Variants in NYAP2 observed in about 807,000 individuals in gnomAD.
NYAP2 encodes the protein neuronal tyrosine-phosphorylated phosphoinositide-3-kinase adaptor 2.
Under a neutral mutation model 50.4 loss-of-function variants are expected in NYAP2, and 23 were observed. The ratio of observed to expected loss-of-function variants is 0.46; its 90% CI spans 0.33 to 0.65. The LOEUF is 0.65. Ranked by LOEUF, NYAP2 falls within the 30% of genes least tolerant of loss-of-function variation. The probability of loss-of-function intolerance (pLI) is 0.02; values close to 1 mark genes in which losing one functional copy is unlikely to be tolerated. For missense variants in NYAP2, 885 were observed against 861.0 expected, an observed-to-expected ratio of 1.03 and a Z score of -0.35; for synonymous variants, 394 against 365.2, an observed-to-expected ratio of 1.08 and a Z score of -0.90.
chr2:225,640,288 A>G (rs939800562), intron 6 of NYAP2, among the ~76,000 whole-genome samples: 1 of 152,176 alleles, frequency 6.6e-6, no homozygotes, highest in Non-Finnish European at 1.5e-5. Context: ...GATTGTTGGT[A>G]TCTATAAAAA....
the NYAP2 span, among the ~76,000 whole-genome samples, chr2:225,688,818 T>C: frequency 4.9e-4 from 75 of 152,220 alleles, no homozygotes; most frequent in South Asian, 2.1e-3. Context: ...TCTTGGCTCA[T>C]TGCAACCTCT....
chr2:225,458,531 C>T (rs549569775), intron 3 of NYAP2, among the ~76,000 whole-genome samples: 1 of 152,180 alleles, frequency 6.6e-6, no homozygotes, highest in South Asian at 2.1e-4. Context: ...TATCTGATTG[C>T]CAAACAAAAG....
In NYAP2 at chr2:225,611,878, G is replaced by GTA. The variant is rs1486472808; in HGVS notation, c.1619-15031_1619-15030dup. Among the ~76,000 whole-genome samples the GTA allele has an allele frequency of 5.9e-3, 805 of 135,786 alleles. 10 individuals carry two copies. Among genetic ancestry groups the GTA allele is most frequent in the African/African-American group, 0.023 (732 of 31,402 alleles). The allele number at this position is 135,786 out of a possible 152,430, so 89.1% of individuals were successfully genotyped here. On this transcript the variant is annotated intron_variant, in intron 5 of 6. Coordinates refer to ENST00000636099, the Ensembl canonical transcript of NYAP2. Reference sequence around the variant, plus strand: ...TATATATAGAGAGAGATATATATATGTATATATATGTGTGTGTGTGTATAC... The same window carrying GTA: ...TATATATAGAGAGAGATATATATATGTATATATATATGTGTGTGTGTGTATAC...
intron 4 of NYAP2, among the ~76,000 whole-genome samples, chr2:225,553,394 G>A (rs1167733883): frequency 6.6e-6 from 1 of 152,210 alleles, no homozygotes; most frequent in African/African-American, 2.4e-5. Flanking sequence ...CCCAACTCCA[G>A]AATCACAGGG....
intron 4 of NYAP2, among the ~76,000 whole-genome samples, chr2:225,580,437 A>C (rs996030534): frequency 6.6e-6 from 1 of 152,196 alleles, no homozygotes; most frequent in African/African-American, 2.4e-5. Context: ...GCATTAAAAG[A>C]CTTTACTGCT....
chr2:225,691,009 C>A, the NYAP2 span, among the ~76,000 whole-genome samples: 2 of 151,946 alleles, frequency 1.3e-5, no homozygotes, highest in South Asian at 4.2e-4. Flanking sequence ...TTTCCAAAAA[C>A]CATTTACTGA....
At chr2:225,445,030 T>C (rs1270554097) in intron 3 of NYAP2, among the ~76,000 whole-genome samples, 1 of 152,172 alleles carries the variant, frequency 6.6e-6, no homozygotes, top group African/African-American at 2.4e-5. Flanking sequence ...TGCATTTAAC[T>C]ATGCTTATAT....
chr2:225,600,016 T>G (rs1199409437), intron 5 of NYAP2, among the ~76,000 whole-genome samples: 2 of 152,118 alleles, frequency 1.3e-5, no homozygotes, highest in African/African-American at 4.8e-5. Context: ...GACAGGGGAA[T>G]TGCAACAGAG....
In NYAP2 at chr2:225,473,638, C is replaced by G. The variant is rs541089969; in HGVS notation, c.222-39733C>G. Among the ~76,000 whole-genome samples, 7 of 152,236 alleles carry G rather than the reference C, an allele frequency of 4.6e-5. No homozygotes were observed. The East Asian group carries it at 1.3e-3, about 29-fold the overall frequency. ...AGAAGTGTCTGTTCATATCCTTTGC[C>G]CACTTGTTGATGGGGTTGTTTGTTT... On this transcript the variant is annotated intron_variant, in intron 3 of 6. Coordinates refer to ENST00000636099, the Ensembl canonical transcript of NYAP2.
intron 3 of NYAP2, among the ~76,000 whole-genome samples, chr2:225,459,507 C>T (rs1454570209): frequency 6.6e-6 from 1 of 152,112 alleles, no homozygotes; most frequent in East Asian, 1.9e-4. Flanking sequence ...CTTAAGCTTC[C>T]ATATAATTAC....
At chr2:225,568,849 G>A (rs764720226) in intron 4 of NYAP2, among the ~76,000 whole-genome samples, 29 of 152,172 alleles carry the variant, frequency 1.9e-4, no homozygotes, top group Non-Finnish European at 3.5e-4. Flanking sequence ...AGTCAGCATT[G>A]TATAGGAGAT....
chr2:225,682,525 A>G, the NYAP2 span, among the ~76,000 whole-genome samples: 1 of 152,098 alleles, frequency 6.6e-6, no homozygotes, highest in Non-Finnish European at 1.5e-5. Context: ...CCTTACTTGT[A>G]TTTTATTTCT....
In NYAP2 at chr2:225,602,606, T is replaced by C. The variant is rs116541984; in HGVS notation, c.1618+19571T>C. Among the ~76,000 whole-genome samples, 837 of 152,288 alleles carry C rather than the reference T, an allele frequency of 5.5e-3. 9 individuals carry two copies. Among genetic ancestry groups the C allele is most frequent in the African/African-American group, 0.018 (761 of 41,580 alleles). On this transcript the variant is annotated intron_variant, in intron 5 of 6. Coordinates refer to ENST00000636099, the Ensembl canonical transcript of NYAP2. ...GAGTTTTATAGTTTTAGGTTTTACA[T>C]TTAGGTCTTTGACACATTTTGGGTT...
chr2:225,578,669 G>A (rs530553506), intron 4 of NYAP2, among the ~76,000 whole-genome samples: 1 of 152,270 alleles, frequency 6.6e-6, no homozygotes, highest in South Asian at 2.1e-4. Flanking sequence ...TAAAAGTTAA[G>A]GAGATAAGGG....
At chr2:225,479,643 C>A (rs1362325640) in intron 3 of NYAP2, among the ~76,000 whole-genome samples, 1 of 146,496 alleles carries the variant, frequency 6.8e-6, no homozygotes. Context: ...TTCCAAAGTA[C>A]CATAGTTTTT....
intron 3 of NYAP2, among the ~76,000 whole-genome samples, chr2:225,506,297 A>G (rs1690703629): frequency 1.3e-5 from 2 of 152,158 alleles, no homozygotes; most frequent in Non-Finnish European, 2.9e-5. Flanking sequence ...GGGTAAGTGA[A>G]TGTGACCAGC....
At chr2:225,442,481 C>A (rs1324933762) in intron 3 of NYAP2, among the ~76,000 whole-genome samples, 1 of 152,176 alleles carries the variant, frequency 6.6e-6, no homozygotes, top group South Asian at 2.1e-4. Context: ...AATCACATTT[C>A]TCACTTTGTG....
Position 225,626,954 on chromosome 2 carries a change from G to A in NYAP2, c.1656G>A (p.Thr552=), listed in dbSNP as rs61743982. 6,219 of 1,584,054 alleles carry A rather than the reference G, an allele frequency of 3.9e-3. 22 individuals carry two copies. The highest frequency in any genetic ancestry group is 0.013 in the Middle Eastern group (79 of 6,026). Residue 552 remains threonine (T), a synonymous_variant, in exon 6 of 7, where the codon ACG becomes ACA. Coordinates refer to ENST00000636099, the Ensembl canonical transcript of NYAP2. ...AACTGAAAGTCCGAAGCCACAGCAC[G>A]GAGCCATTACCAAAGTTGGACAACA... is the stretch of plus-strand genomic sequence containing the variant.
intron 6 of NYAP2, among the ~76,000 whole-genome samples, chr2:225,641,130 C>G (rs1693522358): frequency 6.6e-6 from 1 of 151,988 alleles, no homozygotes; most frequent in Non-Finnish European, 1.5e-5. Context: ...GGCGGTGGTT[C>G]CACCCTGTGC....
Sources: allele counts gnomAD v4.1 joint callset (sites outside exome capture counted in the v4.1 genomes callset), GRCh38; gene constraint gnomAD v4.1.1; transcripts MANE v1.5; gene names NCBI Gene and HGNC (gene_info 2026-07-23, HGNC 2026-07-21).